Variants in EML5 observed in about 807,000 individuals in gnomAD.
EML5 encodes the protein EMAP like 5, also known as echinoderm microtubule-associated protein-like 5.
In EML5, 120 loss-of-function variants were observed where a neutral mutation model predicts 250.0. The ratio of observed to expected loss-of-function variants is 0.48; its 90% CI spans 0.41 to 0.56. The LOEUF is 0.56. Ranked by LOEUF, EML5 falls within the 20% of genes least tolerant of loss-of-function variation. The pLI is 0.00. For synonymous variants in EML5, 771 were observed against 806.5 expected (o/e 0.96, Z 0.75); for missense variants, 2,006 against 2,437.6 (o/e 0.82, Z 3.73).
chr14:88,738,839 T>C (rs548107484), intron 6 of EML5, 40 bp downstream of exon 6: 1 of 1,535,304 alleles, frequency 6.5e-7, no homozygotes, highest in Non-Finnish European at 8.8e-7. Context: ...TTGGGAAGTT[T>C]AGAGTTTGCC....
At chr14:88,648,810 T>C (rs1055186669) in intron 28 of EML5, among the ~76,000 whole-genome samples, 1 of 152,158 alleles carries the variant, frequency 6.6e-6, no homozygotes, top group Non-Finnish European at 1.5e-5. Flanking sequence ...GGTGCTTTAT[T>C]TCTGGTAAAA....
intron 29 of EML5, among the ~76,000 whole-genome samples, chr14:88,645,398 T>C (rs1284793819): frequency 6.6e-6 from 1 of 152,200 alleles, no homozygotes; most frequent in African/African-American, 2.4e-5. Context: ...TATAAACAAA[T>C]GTGAAAATGT....
chr14:88,735,629 C>A (rs1204002860), intron 7 of EML5, among the ~76,000 whole-genome samples: 1 of 152,054 alleles, frequency 6.6e-6, no homozygotes, highest in African/African-American at 2.4e-5. Context: ...CCTTATCTAT[C>A]AAAATTTAAA....
At chr14:88,666,168 G>A (rs925185631) in intron 21 of EML5, among the ~76,000 whole-genome samples, 3 of 152,146 alleles carry the variant, frequency 2.0e-5, no homozygotes, top group Non-Finnish European at 2.9e-5. Context: ...TGCAGAGTAG[G>A]TTTTACCTTT....
chr14:88,672,214 T>C (rs1221383681), intron 21 of EML5, among the ~76,000 whole-genome samples: 1 of 152,098 alleles, frequency 6.6e-6, no homozygotes, highest in Non-Finnish European at 1.5e-5. Flanking sequence ...ACCACAGCAC[T>C]ATCAAATTAG....
intron 41 of EML5, 186 bp downstream of exon 41, chr14:88,618,042 G>T: frequency 2.5e-6 from 1 of 398,398 alleles, no homozygotes; most frequent in Non-Finnish European, 4.4e-6. Context: ...CATGGAAACT[G>T]ATAAAACATG....
At chr14:88,745,163 G>GTGTTTGTT (rs575958301) in intron 3 of EML5, among the ~76,000 whole-genome samples, 2,417 of 141,980 alleles carry the variant, frequency 0.017, 85 homozygotes, top group African/African-American at 0.059. Context: ...TCTAAATTGT[G>GTGTTTGTT]TGTTTGTGTG....
chr14:88,757,591 G>A (rs969869662), intron 1 of EML5, among the ~76,000 whole-genome samples: 1 of 152,050 alleles, frequency 6.6e-6, no homozygotes. Context: ...CTTCTATTAA[G>A]AATATATAAA....
intron 1 of EML5, among the ~76,000 whole-genome samples, chr14:88,776,673 T>A (rs1393871107): frequency 6.6e-6 from 1 of 151,114 alleles, no homozygotes; most frequent in Non-Finnish European, 1.5e-5. Flanking sequence ...TTGAGCCCAG[T>A]AGTTCAAGAC....
At chr14:88,738,788 C>T in intron 6 of EML5, 91 bp downstream of exon 6, 1 of 1,393,608 alleles carries the variant, frequency 7.2e-7, no homozygotes, top group Non-Finnish European at 9.6e-7. Flanking sequence ...TTTATATTTA[C>T]AAAACTTACA....
intron 1 of EML5, among the ~76,000 whole-genome samples, chr14:88,771,114 T>C (rs2094388560): frequency 6.6e-6 from 1 of 152,210 alleles, no homozygotes; most frequent in Non-Finnish European, 1.5e-5. Context: ...TATATCAATG[T>C]TCCTTTACAT....
chr14:88,722,838 C>G (rs2140034245), intron 8 of EML5, among the ~76,000 whole-genome samples: 1 of 152,196 alleles, frequency 6.6e-6, no homozygotes, highest in Middle Eastern at 3.4e-3. Flanking sequence ...TGCAGCAAAC[C>G]ACCGTGGCAC....
chr14:88,618,898 TAAAAG>T (rs1308398656), intron 39 of EML5, 86 bp from the exon 40 acceptor site: 3 of 1,388,042 alleles, frequency 2.2e-6, no homozygotes, highest in Non-Finnish European at 2.9e-6. Flanking sequence ...TTCTAGTTCT[TAAAAG>T]TAACGTGTGA....
At chr14:88,734,610 G>A (rs1429202475) in intron 7 of EML5, among the ~76,000 whole-genome samples, 4 of 151,932 alleles carry the variant, frequency 2.6e-5, no homozygotes, top group East Asian at 1.9e-4. Flanking sequence ...TAATCTAGAC[G>A]ATAATCATCA....
intron 1 of EML5, among the ~76,000 whole-genome samples, chr14:88,782,348 G>A (rs2094505867): frequency 6.6e-6 from 1 of 152,174 alleles, no homozygotes. Context: ...GAGCATGAAA[G>A]TTTGGAAATT....
At chr14:88,622,501 G>A (rs1166517701) in intron 37 of EML5, 103 bp downstream of exon 37, 10 of 876,256 alleles carry the variant, frequency 1.1e-5, no homozygotes, top group African/African-American at 3.4e-5. Context: ...CCATCGTTAT[G>A]CATTATTAAG....
intron 8 of EML5, among the ~76,000 whole-genome samples, chr14:88,717,747 T>TC (rs2139962942): frequency 7.2e-6 from 1 of 138,192 alleles, no homozygotes; most frequent in African/African-American, 2.9e-5. Flanking sequence ...AGGGCGAGAC[T>TC]CCGTCTCAAA....
At chr14:88,748,629 T>A (rs891158325) in intron 2 of EML5, among the ~76,000 whole-genome samples, 7 of 151,890 alleles carry the variant, frequency 4.6e-5, no homozygotes, top group Non-Finnish European at 8.8e-5. Flanking sequence ...CTGGGGAAAA[T>A]CACTCAATAG....
intron 1 of EML5, among the ~76,000 whole-genome samples, chr14:88,791,847 C>T (rs1030908062): frequency 2.7e-4 from 41 of 152,212 alleles, no homozygotes; most frequent in African/African-American, 8.7e-4. Context: ...TTCAGGACGC[C>T]ACCCTGGGCG....
Sources: gnomAD v4.1 joint callset for allele counts (sites outside exome capture counted in the v4.1 genomes callset) on GRCh38, gnomAD v4.1.1 for gene constraint, MANE v1.5 for transcripts, NCBI Gene and HGNC (gene_info 2026-07-23, HGNC 2026-07-21) for gene names.